The following SVEP1 variants were observed in gnomAD, a reference collection of about 807,000 sequenced individuals.
The protein encoded by SVEP1 is sushi, von Willebrand factor type A, EGF and pentraxin domain-containing protein 1.
A neutral mutation model predicts 367.3 loss-of-function variants in SVEP1; 164 were observed. The observed-to-expected ratio is 0.45, with a 90% confidence interval of 0.39 to 0.51. SVEP1 has a LOEUF of 0.51. Ranked by LOEUF, SVEP1 falls within the 20% of genes least tolerant of loss-of-function variation. SVEP1 has a pLI of 0.00. For synonymous variants in SVEP1, 1,666 were observed against 1,611.6 expected (o/e 1.03, Z -0.81); for missense variants, 4,117 against 4,425.3 (o/e 0.93, Z 1.98).
At chr9:110,554,703 C>T (rs1312164460) in intron 1 of SVEP1, among the ~76,000 whole-genome samples, 1 of 148,736 alleles carries the variant, frequency 6.7e-6, no homozygotes, top group East Asian at 2.0e-4. Context: ...ATAATATAGA[C>T]ATTTATGTGT....
intron 5 of SVEP1, among the ~76,000 whole-genome samples, chr9:110,510,833 G>C (rs560741710): frequency 6.6e-6 from 1 of 152,210 alleles, no homozygotes. Flanking sequence ...TTGACTTCAC[G>C]AAAATATATT....
intron 13 of SVEP1, 112 bp downstream of exon 13, chr9:110,479,519 ATGTC>A: frequency 8.1e-7 from 1 of 1,234,542 alleles, no homozygotes; most frequent in Non-Finnish European, 1.1e-6. Context: ...TATTAGGTAC[ATGTC>A]TGGATCACAA....
chr9:110,567,259 AAG>A, intron 1 of SVEP1, among the ~76,000 whole-genome samples: 1 of 152,196 alleles, frequency 6.6e-6, no homozygotes, highest in East Asian at 1.9e-4. Flanking sequence ...CAAACACCAC[AAG>A]AGAGTTATAA....
intron 5 of SVEP1, among the ~76,000 whole-genome samples, chr9:110,512,124 T>C (rs1052987885): frequency 4.6e-5 from 7 of 152,326 alleles, no homozygotes; most frequent in African/African-American, 1.4e-4. Context: ...CAAATTTAAC[T>C]GGCATCCTGT....
At position 110,496,849 on chromosome 9, in the gene SVEP1, T is replaced by G; in HGVS notation, c.1766A>C (p.Gln589Pro). The G allele has an allele frequency of 6.4e-7, 1 of 1,558,088 alleles. No individual in the cohort carries two copies. Among genetic ancestry groups the G allele is most frequent in the Non-Finnish European group, 8.7e-7 (1 of 1,149,418 alleles). The stretch of plus-strand genomic sequence containing the variant: ...AGAGTTGTCTTTAGCTGTTGGAATC[T>G]GCCAGGTAACATTGGCAGAATCTTG... ...EQQDSANVTW[Q>P]IPTAKDNSGE... Residue 589 changes from glutamine to proline, a missense_variant, in exon 8 of 48, where the codon CAG becomes CCG. Gln to Pro is a moderately conservative substitution (Grantham distance 76). Coordinates refer to ENST00000374469, the MANE Select transcript of SVEP1 (RefSeq NM_153366.4).
intron 13 of SVEP1, among the ~76,000 whole-genome samples, chr9:110,477,016 G>T (rs540816437): frequency 9.9e-5 from 15 of 152,162 alleles, no homozygotes; most frequent in African/African-American, 3.1e-4. Flanking sequence ...AGAACATTTG[G>T]TAACTGTCCC....
intron 11 of SVEP1, among the ~76,000 whole-genome samples, chr9:110,481,946 C>T (rs1193788649): frequency 6.6e-6 from 1 of 152,124 alleles, no homozygotes; most frequent in Non-Finnish European, 1.5e-5. Flanking sequence ...CTCCTGATCT[C>T]AAGTGATCCA....
At chr9:110,527,933 G>A (rs910966769) in intron 3 of SVEP1, among the ~76,000 whole-genome samples, 1 of 151,206 alleles carries the variant, frequency 6.6e-6, no homozygotes, top group Non-Finnish European at 1.5e-5. Flanking sequence ...CTTAGCTCCC[G>A]CTTATAAGTG....
At chr9:110,489,191 C>G (rs931520144) in intron 9 of SVEP1, among the ~76,000 whole-genome samples, 4 of 152,106 alleles carry the variant, frequency 2.6e-5, no homozygotes, top group African/African-American at 4.8e-5. Flanking sequence ...GAATCAGTGA[C>G]AAGGGAGTTG....
Position 110,476,364 on chromosome 9 carries a change from G to A in SVEP1, c.2488-49C>T, listed in dbSNP as rs768891086. On this transcript the variant is annotated intron_variant, in intron 13 of 47. Transcript: ENST00000374469. ...TAAAGTGTAAATCACTTTTCTGCAT[G>A]CCTTGGATAAACACTTTGCTCCCCT... 32 of 1,408,912 alleles carry A rather than the reference G, an allele frequency of 2.3e-5. No homozygotes were observed. In the East Asian group the frequency reaches 7.1e-4, roughly 31 times the overall value. The allele number at this position is 1,408,912 out of a possible 1,614,324, so 87.3% of individuals were successfully genotyped here. A position where few individuals can be genotyped will look rare whatever the true frequency, so the allele number is the denominator to read the frequency against.
chr9:110,450,024 A>T (rs1039563310), intron 24 of SVEP1, 35 bp downstream of exon 24: 2 of 1,606,770 alleles, frequency 1.2e-6, no homozygotes, highest in Non-Finnish European at 1.7e-6. Flanking sequence ...TTTAAAAAAT[A>T]AAAACAGTGA....
chr9:110,379,568 G>A, intron 43 of SVEP1, 51 bp from the exon 44 acceptor site: 1 of 1,573,972 alleles, frequency 6.4e-7, no homozygotes, highest in South Asian at 1.1e-5. Context: ...CACAGACTGA[G>A]AACACAGTCT....
Position 110,408,743 on chromosome 9 carries a change from A to G in SVEP1, c.6857T>C (p.Val2286Ala), listed in dbSNP as rs965750147. 2.0e-5 allele frequency: 32 copies of G among 1,613,868 alleles called. No homozygotes were observed. Among genetic ancestry groups the G allele is most frequent in the Non-Finnish European group, 2.5e-5 (30 of 1,179,886 alleles). Reference protein sequence around the residue: ...KGENFEVGSKVQFFCNEGYEL... With the variant: ...KGENFEVGSKAQFFCNEGYEL... Reference sequence around the variant, plus strand: ...ATAACCCTCATTACAGAAAAACTGAACCTTGGACCCTACTTCAAAGTTTTC... The same window carrying G: ...ATAACCCTCATTACAGAAAAACTGAGCCTTGGACCCTACTTCAAAGTTTTC... Residue 2286 changes from valine to alanine, a missense_variant, in exon 38 of 48, where the codon GTT (valine) becomes GCT (alanine). Transcript: ENST00000374469.
At chr9:110,391,202 G>A (rs1445962447) in intron 40 of SVEP1, among the ~76,000 whole-genome samples, 2 of 151,166 alleles carry the variant, frequency 1.3e-5, no homozygotes, top group African/African-American at 2.4e-5. Context: ...ACTGAGACTA[G>A]TTTATGTTTC....
Position 110,503,263 on chromosome 9 carries a change from T to C in SVEP1, c.1304-46A>G, listed in dbSNP as rs1279568748. 4 of 1,548,840 alleles carry C rather than the reference T, an allele frequency of 2.6e-6. No individual in the cohort carries two copies. The Admixed American group carries it at 5.9e-5, about 23-fold the overall frequency. Reference sequence around the variant, plus strand: ...TAGATCACATTTTGCTAAATAAGGATAAAAATAATAATTACAAGTTTAGCA... The same window carrying C: ...TAGATCACATTTTGCTAAATAAGGACAAAAATAATAATTACAAGTTTAGCA... On this transcript the variant is annotated intron_variant, in intron 5 of 47. Coordinates refer to ENST00000374469, the MANE Select transcript of SVEP1 (RefSeq NM_153366.4).
chr9:110,577,468 T>C (rs1349697650), intron 1 of SVEP1, among the ~76,000 whole-genome samples: 1 of 152,070 alleles, frequency 6.6e-6, no homozygotes, highest in Non-Finnish European at 1.5e-5. Context: ...CTCTTTGTCA[T>C]ATCATACACA....
In SVEP1 at chr9:110,501,542, G is replaced by T. The variant is rs1029133705; in HGVS notation, c.1483+1496C>A. ...AGGCTTGTAGTCTACAAATGATGAT[G>T]ATTTTCAATCCCAATATCTCTAATC... On this transcript the variant is annotated intron_variant, in intron 6 of 47. Coordinates refer to ENST00000374469, the MANE Select transcript of SVEP1 (RefSeq NM_153366.4). Among the ~76,000 whole-genome samples, 11 of 151,984 alleles carry T rather than the reference G, an allele frequency of 7.2e-5. 1 individual carries two copies. The highest frequency in any genetic ancestry group is 3.4e-3 in the Middle Eastern group (1 of 292).
rs752894169 is a variant in SVEP1 at position 110,503,059 on chromosome 9, C to T, written c.1462G>A (p.Gly488Arg). 2.5e-6 allele frequency: 4 copies of T among 1,606,766 alleles called. No individual in the cohort carries two copies. Among genetic ancestry groups the T allele is most frequent in the Admixed American group, 3.4e-5 (2 of 59,580 alleles). The change falls in exon 6 of 48, where the codon GGG becomes AGG. Residue 488 changes from glycine (G) to arginine (R), a missense_variant. Coordinates refer to ENST00000374469, the MANE Select transcript of SVEP1 (RefSeq NM_153366.4). ...TTACCCACACACCGGGGTTCTGGCCCATCCCACTGGCTGTTTCCTTGACAA... is the reference window on the plus strand; with the variant it reads ...TTACCCACACACCGGGGTTCTGGCCTATCCCACTGGCTGTTTCCTTGACAA... ...LTCQGNSQWDGPEPRCVERHC... is the reference protein window; with the variant it reads ...LTCQGNSQWDRPEPRCVERHC...
At chr9:110,375,279 C>T in intron 46 of SVEP1, 89 bp downstream of exon 46, 1 of 1,112,474 alleles carries the variant, frequency 9.0e-7, no homozygotes, top group Non-Finnish European at 1.3e-6. Context: ...ATTTTGCCAC[C>T]ACTTCTGAGT....
Sources: gnomAD v4.1 joint callset for allele counts (sites outside exome capture counted in the v4.1 genomes callset) on GRCh38, gnomAD v4.1.1 for gene constraint, MANE v1.5 for transcripts, NCBI Gene and HGNC (gene_info 2026-07-23, HGNC 2026-07-21) for gene names.